FMNL2: variants seen among roughly 807,000 people sequenced by gnomAD.
The protein encoded by FMNL2 is formin-like protein 2.
In FMNL2, 51 loss-of-function variants were observed where a neutral mutation model predicts 130.2. The ratio of observed to expected loss-of-function variants is 0.39; its 90% confidence interval spans 0.31 to 0.49. The LOEUF (loss-of-function observed/expected upper bound fraction) is 0.49. FMNL2 is among the 20% of genes least tolerant of loss of function. The probability of loss-of-function intolerance (pLI) is 0.85; values close to 1 mark genes in which losing one functional copy is unlikely to be tolerated. For synonymous variants in FMNL2, 465 were observed against 467.1 expected, an observed-to-expected ratio of 1.00 and a Z score of 0.06; for missense variants, 977 against 1,316.2, an observed-to-expected ratio of 0.74 and a Z score of 3.99.
At chr2:152,559,270 G>C (rs1015726018) in intron 5 of FMNL2, among the ~76,000 whole-genome samples, 1 of 152,180 alleles carries the variant, frequency 6.6e-6, no homozygotes, top group Non-Finnish European at 1.5e-5. Flanking sequence ...TGGCACTGGA[G>C]GGAGAGGTAA....
At chr2:152,509,429 ATG>A (rs1692365038) in intron 1 of FMNL2, among the ~76,000 whole-genome samples, 1 of 151,592 alleles carries the variant, frequency 6.6e-6, no homozygotes, top group Non-Finnish European at 1.5e-5. Context: ...TAACTGTTAG[ATG>A]TGTATTGTGT....
At position 152,649,298 on chromosome 2, in the gene FMNL2, GC is replaced by G. The variant is rs1683874337; in HGVS notation, c.*1395del. The stretch of plus-strand genomic sequence containing the variant: ...ACACTTCTCTTTAATTCCCACCTAA[GC>G]CTCTGGGTAATATTGTAAATATTGT... On this transcript the variant is annotated 3_prime_UTR_variant, in exon 26 of 26. Transcript: ENST00000288670. The G allele has an allele frequency of 6.6e-6, 1 of 152,370 alleles. No homozygotes were observed. The highest frequency in any genetic ancestry group is 2.4e-5 in the African/African-American group (1 of 41,390). The allele number at this position is 152,370 out of a possible 1,614,324, so 9.4% of individuals were successfully genotyped here. A position where few individuals can be genotyped will look rare whatever the true frequency, so the allele number is the denominator to read the frequency against.
At chr2:152,484,315 G>A (rs1424557581) in intron 1 of FMNL2, among the ~76,000 whole-genome samples, 1 of 152,098 alleles carries the variant, frequency 6.6e-6, no homozygotes, top group Non-Finnish European at 1.5e-5. Flanking sequence ...AGTCTATGGT[G>A]CCATTTTCTC....
At chr2:152,644,899 C>T (rs964842873) in intron 25 of FMNL2, among the ~76,000 whole-genome samples, 2 of 152,142 alleles carry the variant, frequency 1.3e-5, no homozygotes, top group East Asian at 1.9e-4. Context: ...TAATAAGAAA[C>T]GAACTTCTCT....
Position 152,575,859 on chromosome 2 carries a change from C to T in FMNL2, c.705+615C>T, listed in dbSNP as rs1316484781. ...TGGTTCCTAATCTTTATAAGAAGCA[C>T]CTAGAAGATCGTTGAAAATGCAGAT... On this transcript the variant is annotated intron_variant, in intron 7 of 25. Coordinates refer to ENST00000288670, the MANE Select transcript of FMNL2 (RefSeq NM_052905.4). Among the ~76,000 whole-genome samples the T allele has an allele frequency of 3.3e-5, 5 of 152,058 alleles. No homozygotes were observed. The East Asian group carries it at 9.7e-4, about 29-fold the overall frequency.
chr2:152,444,363 A>G (rs1045424709), intron 1 of FMNL2, among the ~76,000 whole-genome samples: 10 of 152,174 alleles, frequency 6.6e-5, no homozygotes, highest in Admixed American at 1.3e-4. Flanking sequence ...CTGCATGACT[A>G]TCCCACAAGA....
At chr2:152,521,820 C>A in intron 1 of FMNL2, 123 bp from the exon 2 acceptor site, 1 of 750,580 alleles carries the variant, frequency 1.3e-6, no homozygotes, top group Admixed American at 2.5e-5. Context: ...TAATCAGATA[C>A]TAGGAATTGA....
chr2:152,556,364 C>A (rs2105570527), intron 4 of FMNL2, among the ~76,000 whole-genome samples: 1 of 152,218 alleles, frequency 6.6e-6, no homozygotes, highest in East Asian at 1.9e-4. Context: ...GAAATTAAAT[C>A]AGGGGTAAAA....
intron 1 of FMNL2, among the ~76,000 whole-genome samples, chr2:152,505,573 C>A (rs145250372): frequency 1.4e-4 from 21 of 152,244 alleles, no homozygotes; most frequent in African/African-American, 4.6e-4. Flanking sequence ...CTTAGTAAAA[C>A]GTGCATGAAA....
At position 152,423,984 on chromosome 2, in the gene FMNL2, T is replaced by G. The variant is rs542774241; in HGVS notation, c.117+88264T>G. Among the ~76,000 whole-genome samples, 7 of 152,308 alleles carry G rather than the reference T, an allele frequency of 4.6e-5. No individual in the cohort carries two copies. The South Asian group carries it at 1.5e-3, about 32-fold the overall frequency. On this transcript the variant is annotated intron_variant, in intron 1 of 25. Coordinates refer to ENST00000288670, the MANE Select transcript of FMNL2 (RefSeq NM_052905.4). ...CTATTTTGAAGCCTGGGACCTTTTC[T>G]TTGTTTAGGGGGAAGGCCTTTTGAT...
chr2:152,342,011 A>G (rs1426656361), intron 1 of FMNL2, among the ~76,000 whole-genome samples: 2 of 152,232 alleles, frequency 1.3e-5, no homozygotes, highest in African/African-American at 4.8e-5. Context: ...TGCAGGTTCT[A>G]GACATAGAAT....
In FMNL2 at chr2:152,522,124, A is replaced by G. The variant is rs73968056; in HGVS notation, c.201+98A>G. ...GTCAATATCATGATTGAAAAACAAG[A>G]TATTTGCTTCTGCGACAGAGATAGG... On this transcript the variant is annotated intron_variant, in intron 2 of 25. Coordinates refer to ENST00000288670, the MANE Select transcript of FMNL2 (RefSeq NM_052905.4). 2.0e-3 allele frequency: 2,018 copies of G among 1,005,302 alleles called. 29 individuals are homozygous for G. In the African/African-American group the frequency reaches 0.029, roughly 14 times the overall value. The allele number at this position is 1,005,302 out of a possible 1,614,324, so 62.3% of individuals were successfully genotyped here. A position where few individuals can be genotyped will look rare whatever the true frequency, so the allele number is the denominator to read the frequency against.
In FMNL2 at chr2:152,643,355, T is replaced by A. The variant is rs1373537140; in HGVS notation, c.3169+2441T>A. 9.1e-6 allele frequency: 14 copies of A among 1,532,404 alleles called. No homozygotes were observed. The East Asian group carries it at 3.4e-4, about 38-fold the overall frequency. The allele number at this position is 1,532,404 out of a possible 1,614,324, so 94.9% of individuals were successfully genotyped here. A position where few individuals can be genotyped will look rare whatever the true frequency, so the allele number is the denominator to read the frequency against. ...TAACAATGCACTAACCATGTACTAATGCAATAGATCTTGGCTTTTTATTCT... is the reference window on the plus strand; with the variant it reads ...TAACAATGCACTAACCATGTACTAAAGCAATAGATCTTGGCTTTTTATTCT... On this transcript the variant is annotated intron_variant, in intron 25 of 25. Coordinates refer to ENST00000288670, the MANE Select transcript of FMNL2 (RefSeq NM_052905.4).
intron 16 of FMNL2, 55 bp from the exon 17 acceptor site, chr2:152,626,470 G>T: frequency 6.8e-7 from 1 of 1,463,904 alleles, no homozygotes; most frequent in Non-Finnish European, 9.3e-7. Context: ...GGTGGCTTCC[G>T]GACTTCATTT....
intron 1 of FMNL2, among the ~76,000 whole-genome samples, chr2:152,509,394 G>T (rs1692360541): frequency 1.3e-5 from 2 of 151,728 alleles, no homozygotes; most frequent in Non-Finnish European, 1.5e-5. Context: ...TTTTATTATG[G>T]GATTTTTTTT....
chr2:152,573,967 T>G (rs1211448671), intron 6 of FMNL2, among the ~76,000 whole-genome samples: 1 of 152,226 alleles, frequency 6.6e-6, no homozygotes, highest in Non-Finnish European at 1.5e-5. Context: ...AGAAGCCCTT[T>G]GTGTTAATGT....
intron 25 of FMNL2, among the ~76,000 whole-genome samples, chr2:152,646,398 C>A (rs540102451): frequency 9.2e-5 from 14 of 152,178 alleles, no homozygotes; most frequent in African/African-American, 3.1e-4. Context: ...GTCAAGGAGC[C>A]AGGAAGGTAA....
chr2:152,540,159 G>A (rs2678300), intron 2 of FMNL2, among the ~76,000 whole-genome samples: 5,473 of 152,122 alleles, frequency 0.036, 319 homozygotes, highest in African/African-American at 0.12. Context: ...TCTGATATGT[G>A]TTTGGCATCA....
chr2:152,374,883 G>C (rs1684073744), intron 1 of FMNL2, among the ~76,000 whole-genome samples: 1 of 152,096 alleles, frequency 6.6e-6, no homozygotes, highest in African/African-American at 2.4e-5. Flanking sequence ...ACTTTCAGGT[G>C]GGCTCAGCCA....
Sources: gnomAD v4.1 joint callset for allele counts (sites outside exome capture counted in the v4.1 genomes callset) on GRCh38, gnomAD v4.1.1 for gene constraint, MANE v1.5 for transcripts, NCBI Gene and HGNC (gene_info 2026-07-23, HGNC 2026-07-21) for gene names.